ATL1: variants seen among roughly 807,000 people sequenced by gnomAD.
ATL1 encodes atlastin GTPase 1, also known as atlastin-1.
ATL1 carries 31 observed loss-of-function variants against 75.5 expected under a neutral mutation model. The observed-to-expected ratio is 0.41, with a 90% confidence interval of 0.31 to 0.55. The LOEUF (loss-of-function observed/expected upper bound fraction) is 0.55. Among genes scored for constraint, ATL1 ranks in the 20% least tolerant of loss-of-function variants. The pLI, the probability that ATL1 is intolerant of heterozygous loss-of-function variation, is 0.27. For synonymous variants in ATL1, 226 were observed against 233.3 expected, an observed-to-expected ratio of 0.97 and a Z score of 0.28; for missense variants, 405 against 662.6, an observed-to-expected ratio of 0.61 and a Z score of 4.27.
At chr14:50,540,936 G>C (rs1053366501) in intron 1 of ATL1, among the ~76,000 whole-genome samples, 3 of 152,118 alleles carry the variant, frequency 2.0e-5, no homozygotes, top group Admixed American at 6.5e-5. Flanking sequence ...ACTCCTCTTG[G>C]CTTGTGCAAT....
At chr14:50,627,103 T>C (rs1255862395) in intron 11 of ATL1, among the ~76,000 whole-genome samples, 1 of 152,250 alleles carries the variant, frequency 6.6e-6, no homozygotes. Context: ...TGTCATATTT[T>C]AAGAAATTGC....
At chr14:50,595,478 T>TGAAA (rs2039206140) in intron 5 of ATL1, 98 bp from the exon 6 acceptor site, 4 of 1,125,276 alleles carry the variant, frequency 3.6e-6, no homozygotes, top group Non-Finnish European at 5.3e-6. Context: ...GAAAAGTAAA[T>TGAAA]GAAAGAAAGC....
intron 1 of ATL1, among the ~76,000 whole-genome samples, chr14:50,552,145 A>C (rs1489979768): frequency 1.4e-4 from 22 of 152,252 alleles, no homozygotes; most frequent in Non-Finnish European, 2.6e-4. Flanking sequence ...AGACCTGATA[A>C]ATGAGTTCAG....
chr14:50,598,768 T>G (rs971906274), intron 6 of ATL1, among the ~76,000 whole-genome samples: 1 of 152,152 alleles, frequency 6.6e-6, no homozygotes, highest in African/African-American at 2.4e-5. Context: ...AGAGCAAAGC[T>G]CAGTGGAACT....
At chr14:50,561,488 T>C (rs1328966561) in intron 1 of ATL1, among the ~76,000 whole-genome samples, 1 of 152,240 alleles carries the variant, frequency 6.6e-6, no homozygotes, top group Non-Finnish European at 1.5e-5. Context: ...GTTCCACATC[T>C]CAGTGAGAGC....
At chr14:50,536,229 G>T (rs897639124) in intron 1 of ATL1, among the ~76,000 whole-genome samples, 1 of 152,216 alleles carries the variant, frequency 6.6e-6, no homozygotes, top group Non-Finnish European at 1.5e-5. Flanking sequence ...CGGATCATCT[G>T]AGGTCGGGAG....
chr14:50,624,198 T>C (rs2039495135), intron 11 of ATL1, among the ~76,000 whole-genome samples: 3 of 152,198 alleles, frequency 2.0e-5, no homozygotes, highest in Middle Eastern at 6.8e-3. Flanking sequence ...AATGCAGGCA[T>C]ACATACCTCA....
At position 50,626,219 on chromosome 14, in the gene ATL1, GT is replaced by G. The variant is rs201514836; in HGVS notation, c.1120-1811del. The stretch of plus-strand genomic sequence containing the variant: ...CAAAAGTTAATAAGAAATACATTTT[GT>G]AAGGCTATAGCTGCCATAGATAGTG... On this transcript the variant is annotated intron_variant, in intron 11 of 13. Coordinates refer to ENST00000358385, the MANE Select transcript of ATL1 (RefSeq NM_015915.5). 9.6e-4 allele frequency among the ~76,000 whole-genome samples: 146 copies of G among 152,350 alleles called. 2 individuals are homozygous for G. The East Asian group carries it at 0.011, about 11-fold the overall frequency.
rs542513790 is a variant in ATL1 at position 50,553,901 on chromosome 14, T to C, written c.-139-6226T>C. Among the ~76,000 whole-genome samples, 5 of 152,178 alleles carry C rather than the reference T, an allele frequency of 3.3e-5. No homozygotes were observed. In the East Asian group the frequency reaches 9.7e-4, roughly 29 times the overall value. ...TCACTTAAAAGTGAGAGTTAAGCTA[T>C]GAGGATGCAAAGGCATAAGAATGAT... On this transcript the variant is annotated intron_variant, in intron 1 of 13. Coordinates refer to the ATL1 transcript ENST00000441560.
chr14:50,570,828 G>A (rs1479279826), intron 1 of ATL1, among the ~76,000 whole-genome samples: 1 of 152,098 alleles, frequency 6.6e-6, no homozygotes, highest in Non-Finnish European at 1.5e-5. Flanking sequence ...GGTAACTCTG[G>A]AAGTCAGAAT....
At chr14:50,541,055 A>G (rs1350148005) in intron 1 of ATL1, among the ~76,000 whole-genome samples, 3 of 152,252 alleles carry the variant, frequency 2.0e-5, no homozygotes, top group African/African-American at 7.2e-5. Context: ...GCAAATCAGA[A>G]CAGCTCTTGG....
chr14:50,623,308 A>C, intron 11 of ATL1, 60 bp downstream of exon 11: 963 of 1,380,972 alleles, frequency 7.0e-4, no homozygotes, highest in Non-Finnish European at 9.0e-4. Flanking sequence ...CATGCAACTC[A>C]TTCTCTTTTT....
rs1339555150 is a variant in ATL1 at position 50,580,081 on chromosome 14, C to T, written c.35-7750C>T. ...TTATATAGTCACGTTATGACTACCA[C>T]AATCAATATTTAGAACTGTTCCATT... is the stretch of plus-strand genomic sequence containing the variant. On this transcript the variant is annotated intron_variant, in intron 1 of 13. Transcript: ENST00000358385. 2.0e-5 allele frequency among the ~76,000 whole-genome samples: 3 copies of T among 152,192 alleles called. No individual in the cohort carries two copies. In the East Asian group the frequency reaches 5.8e-4, roughly 29 times the overall value.
At chr14:50,559,638 T>G (rs1441479543), upstream of ATL1, 1 of 152,362 alleles carries the variant, frequency 6.6e-6, no homozygotes, top group Non-Finnish European at 1.5e-5. Flanking sequence ...TATCTTGATC[T>G]TCTTGATATA....
intron 1 of ATL1, among the ~76,000 whole-genome samples, chr14:50,571,511 T>C (rs1330943322): frequency 2.6e-5 from 4 of 152,226 alleles, no homozygotes; most frequent in Admixed American, 2.0e-4. Context: ...CCTTTATTCA[T>C]AATTATTAGT....
At chr14:50,548,532 T>C (rs2038662646) in intron 1 of ATL1, among the ~76,000 whole-genome samples, 1 of 152,126 alleles carries the variant, frequency 6.6e-6, no homozygotes, top group Non-Finnish European at 1.5e-5. Flanking sequence ...TGTTTTGAGA[T>C]GGAGTCTTGC....
intron 1 of ATL1, among the ~76,000 whole-genome samples, chr14:50,564,326 C>CA (rs2038880124): frequency 6.6e-6 from 1 of 152,146 alleles, no homozygotes; most frequent in Admixed American, 6.5e-5. Flanking sequence ...GTAACAGAAA[C>CA]AGATAGTGCA....
At chr14:50,586,305 A>C (rs1413095836) in intron 1 of ATL1, among the ~76,000 whole-genome samples, 1 of 152,180 alleles carries the variant, frequency 6.6e-6, no homozygotes. Context: ...TTTATTTCTC[A>C]CAGTTCTGGC....
chr14:50,554,217 G>A (rs2038738361), intron 1 of ATL1, among the ~76,000 whole-genome samples: 1 of 151,776 alleles, frequency 6.6e-6, no homozygotes. Context: ...TAAATCATTT[G>A]TCAACTCAAA....
Sources: gnomAD v4.1 joint callset for allele counts (sites outside exome capture counted in the v4.1 genomes callset) on GRCh38, gnomAD v4.1.1 for gene constraint, MANE v1.5 for transcripts, NCBI Gene and HGNC (gene_info 2026-07-23, HGNC 2026-07-21) for gene names.